Variants in GALNTL6 observed in about 807,000 individuals in gnomAD.
GALNTL6 encodes the protein polypeptide N-acetylgalactosaminyltransferase like 6.
A neutral mutation model predicts 73.7 loss-of-function variants in GALNTL6; 46 were observed. That is an observed-to-expected ratio of 0.62 (90% CI 0.49 to 0.80). The LOEUF is 0.80. Among genes scored for constraint, GALNTL6 ranks in the 30% least tolerant of loss-of-function variants. GALNTL6 has a pLI of 0.00. For missense variants in GALNTL6, 604 were observed against 755.0 expected (o/e 0.80, Z 2.34); for synonymous variants, 259 against 263.7 (o/e 0.98, Z 0.17).
At chr4:172,704,830 G>T (rs1428976849) in intron 5 of GALNTL6, among the ~76,000 whole-genome samples, 1 of 151,752 alleles carries the variant, frequency 6.6e-6, no homozygotes, top group Non-Finnish European at 1.5e-5. Flanking sequence ...TATCCTTTTA[G>T]GTCTGTTAAT....
chr4:172,456,008 C>A (rs1478434689), intron 5 of GALNTL6, among the ~76,000 whole-genome samples: 1 of 152,154 alleles, frequency 6.6e-6, no homozygotes, highest in Non-Finnish European at 1.5e-5. Context: ...AAGAAACAGG[C>A]AGCAATCTTT....
chr4:172,352,379 C>G (rs1316817097), intron 5 of GALNTL6, among the ~76,000 whole-genome samples: 1 of 152,142 alleles, frequency 6.6e-6, no homozygotes, highest in Non-Finnish European at 1.5e-5. Context: ...TTTTCAACAA[C>G]CACCACTGTG....
At chr4:172,259,902 A>G (rs1193538904) in intron 3 of GALNTL6, among the ~76,000 whole-genome samples, 1 of 151,752 alleles carries the variant, frequency 6.6e-6, no homozygotes, top group Non-Finnish European at 1.5e-5. Context: ...TGCTGTGTCA[A>G]AAATCAGTTG....
chr4:172,469,812 G>A (rs928078190), intron 5 of GALNTL6, among the ~76,000 whole-genome samples: 1 of 152,016 alleles, frequency 6.6e-6, no homozygotes, highest in African/African-American at 2.4e-5. Flanking sequence ...ATTTTCTTAA[G>A]GAAAACTAAT....
chr4:172,156,048 G>C (rs1309980144), intron 2 of GALNTL6, among the ~76,000 whole-genome samples: 1 of 152,054 alleles, frequency 6.6e-6, no homozygotes, highest in Non-Finnish European at 1.5e-5. Flanking sequence ...AGGCGGTGTG[G>C]AGCTACAGGC....
intron 2 of GALNTL6, among the ~76,000 whole-genome samples, chr4:171,816,700 A>G (rs914567314): frequency 2.6e-5 from 4 of 152,066 alleles, no homozygotes; most frequent in African/African-American, 7.2e-5. Context: ...AAAAAATAAA[A>G]TTTAAAAGGT....
intron 12 of GALNTL6, among the ~76,000 whole-genome samples, chr4:173,022,133 A>G (rs1753036240): frequency 6.7e-6 from 1 of 148,398 alleles, no homozygotes; most frequent in Non-Finnish European, 1.5e-5. Flanking sequence ...GAAGGAAAGA[A>G]GGAAGGAAAA....
chr4:172,433,708 T>C (rs948300534), intron 5 of GALNTL6, among the ~76,000 whole-genome samples: 9 of 148,334 alleles, frequency 6.1e-5, no homozygotes, highest in Non-Finnish European at 1.2e-4. Context: ...TGATTTTTTT[T>C]TTCTCCATAA....
intron 2 of GALNTL6, 143 bp downstream of exon 2, chr4:171,814,861 T>C (rs1247196056): frequency 1.3e-6 from 1 of 756,054 alleles, no homozygotes. Context: ...TCTAGAGACT[T>C]TGGGGTTTAA....
chr4:171,959,863 A>C (rs1479340072), intron 2 of GALNTL6, among the ~76,000 whole-genome samples: 1 of 152,242 alleles, frequency 6.6e-6, no homozygotes. Context: ...TCCACACTCA[A>C]CAATGAAAAA....
chr4:172,585,142 G>C (rs1490393917), intron 5 of GALNTL6, among the ~76,000 whole-genome samples: 2 of 152,126 alleles, frequency 1.3e-5, no homozygotes, highest in Non-Finnish European at 2.9e-5. Flanking sequence ...GTCTGGTGGA[G>C]AGGGGATGTG....
intron 2 of GALNTL6, among the ~76,000 whole-genome samples, chr4:172,090,696 T>A (rs1732178046): frequency 6.6e-6 from 1 of 152,208 alleles, no homozygotes; most frequent in Admixed American, 6.5e-5. Context: ...CTCTTTAGTT[T>A]AATTAGATCC....
chr4:172,781,251 T>TA (rs1452560260), intron 5 of GALNTL6, among the ~76,000 whole-genome samples: 1 of 152,104 alleles, frequency 6.6e-6, no homozygotes, highest in African/African-American at 2.4e-5. Context: ...AATGAAATGG[T>TA]AAAAATGACC....
In GALNTL6 at chr4:171,824,077, T is replaced by TTATATATATATATATATATATATA. The variant is rs3080307; in HGVS notation, c.138+9369_138+9392dup. Among the ~76,000 whole-genome samples the TTATATATATATATATATATATATA allele has an allele frequency of 6.2e-5, 8 of 129,210 alleles. 1 individual carries two copies. Among genetic ancestry groups the TTATATATATATATATATATATATA allele is most frequent in the East Asian group, 4.4e-4 (2 of 4,556 alleles). The allele number at this position is 129,210 out of a possible 152,430, so 84.8% of individuals were successfully genotyped here. On this transcript the variant is annotated intron_variant, in intron 2 of 12. Coordinates refer to ENST00000506823, the MANE Select transcript of GALNTL6 (RefSeq NM_001034845.3). ...CTTAAGTCCTCAACACAAATCCATTTTATATATATATATATATATATATAT... is the reference window on the plus strand; with the variant it reads ...CTTAAGTCCTCAACACAAATCCATTTTATATATATATATATATATATATATATATATATATATATATATATATAT...
intron 2 of GALNTL6, among the ~76,000 whole-genome samples, chr4:171,967,214 A>G (rs1739410532): frequency 6.6e-6 from 1 of 152,238 alleles, no homozygotes; most frequent in Non-Finnish European, 1.5e-5. Context: ...GCTAGATTAT[A>G]AACAAGTGTT....
At chr4:172,627,938 C>A (rs1252548277) in intron 5 of GALNTL6, among the ~76,000 whole-genome samples, 4 of 150,236 alleles carry the variant, frequency 2.7e-5, no homozygotes, top group South Asian at 2.1e-4. Flanking sequence ...TTTATCCTTT[C>A]AAAAAAAAAA....
In GALNTL6 at chr4:172,977,978, T is replaced by G. The variant is rs564802094; in HGVS notation, c.1371+25720T>G. Among the ~76,000 whole-genome samples the G allele has an allele frequency of 1.2e-4, 18 of 152,238 alleles. No individual in the cohort carries two copies. The South Asian group carries it at 3.5e-3, about 30-fold the overall frequency. ...TCTCAGCCTCCTGAGTAGCTGGGAT[T>G]ACAGGCACCCGCCACCACACCCAGC... is the stretch of plus-strand genomic sequence containing the variant. On this transcript the variant is annotated intron_variant, in intron 10 of 12. Coordinates refer to ENST00000506823, the MANE Select transcript of GALNTL6 (RefSeq NM_001034845.3).
intron 5 of GALNTL6, among the ~76,000 whole-genome samples, chr4:172,768,509 G>A (rs1408338106): frequency 3.3e-5 from 5 of 152,194 alleles, no homozygotes; most frequent in Non-Finnish European, 7.3e-5. Context: ...ACACACTCAA[G>A]AAAGAGGAGT....
chr4:172,572,238 C>T (rs933448311), intron 5 of GALNTL6, among the ~76,000 whole-genome samples: 1 of 152,140 alleles, frequency 6.6e-6, no homozygotes, highest in African/African-American at 2.4e-5. Flanking sequence ...ATCTATTCCC[C>T]ATACTGCCTT....
Sources: allele counts gnomAD v4.1 joint callset (sites outside exome capture counted in the v4.1 genomes callset), GRCh38; gene constraint gnomAD v4.1.1; transcripts MANE v1.5; gene names NCBI Gene and HGNC (gene_info 2026-07-23, HGNC 2026-07-21).